LINGO2: variants seen among roughly 807,000 people sequenced by gnomAD.
LINGO2 encodes the protein leucine rich repeat and Ig domain containing 2.
Under a neutral mutation model 30.6 loss-of-function variants are expected in LINGO2, and 14 were observed. That is an observed-to-expected ratio of 0.46 (90% CI 0.30 to 0.72). The LOEUF is 0.72. Ranked by LOEUF, LINGO2 falls within the 30% of genes least tolerant of loss-of-function variation. LINGO2 has a pLI of 0.07. For missense variants in LINGO2, 729 were observed against 751.7 expected (o/e 0.97, Z 0.35); for synonymous variants, 317 against 288.5 (o/e 1.10, Z -1.00).
chr9:28,428,376 T>C lies in LINGO2; in HGVS notation c.-279+47564A>G, dbSNP rs73437420. Among the ~76,000 whole-genome samples the C allele has an allele frequency of 1.6e-3, 246 of 152,290 alleles. 2 individuals are homozygous for C. The highest frequency in any genetic ancestry group is 5.6e-3 in the African/African-American group (231 of 41,560). On this transcript the variant is annotated intron_variant, in intron 2 of 5. Transcript: ENST00000379992. ...GGGGATCTTGCCTGCCTTCATCCTC[T>C]GGCTGACGAAGCAGAATCACTGCTT...
At position 28,624,254 on chromosome 9, in the gene LINGO2, T is replaced by A. The variant is rs191878009; in HGVS notation, c.-365+45946A>T. On this transcript the variant is annotated intron_variant, in intron 1 of 5. Transcript: ENST00000379992. Reference sequence around the variant, plus strand: ...ATGGGTATCCTTGTTGTATTTCTGATCTTAGAGGAAAAGCTTTTAGTTTTT... The same window carrying A: ...ATGGGTATCCTTGTTGTATTTCTGAACTTAGAGGAAAAGCTTTTAGTTTTT... 2.6e-5 allele frequency among the ~76,000 whole-genome samples: 4 copies of A among 152,238 alleles called. No individual in the cohort carries two copies. In the East Asian group the frequency reaches 7.7e-4, roughly 29 times the overall value.
At chr9:28,273,799 T>C (rs1049391873) in intron 4 of LINGO2, among the ~76,000 whole-genome samples, 1 of 152,166 alleles carries the variant, frequency 6.6e-6, no homozygotes, top group African/African-American at 2.4e-5. Context: ...GGTATCTTTA[T>C]TCAGAGAGTA....
chr9:28,867,883 T>C, the LINGO2 span, among the ~76,000 whole-genome samples: 1 of 152,156 alleles, frequency 6.6e-6, no homozygotes, highest in African/African-American at 2.4e-5. Context: ...GTTTGAATTA[T>C]AAATTTTACA....
the LINGO2 span, among the ~76,000 whole-genome samples, chr9:29,131,742 T>C: frequency 6.6e-6 from 1 of 151,956 alleles, no homozygotes; most frequent in Non-Finnish European, 1.5e-5. Context: ...CATGATCATG[T>C]AAGCTATGAA....
intron 4 of LINGO2, among the ~76,000 whole-genome samples, chr9:28,272,950 T>A (rs1019853151): frequency 1.3e-5 from 2 of 152,202 alleles, no homozygotes; most frequent in Admixed American, 6.5e-5. Context: ...CTTCAGGTGC[T>A]CCCAGTGCAC....
chr9:28,859,824 T>A, the LINGO2 span, among the ~76,000 whole-genome samples: 1 of 151,952 alleles, frequency 6.6e-6, no homozygotes, highest in Non-Finnish European at 1.5e-5. Flanking sequence ...GAACTGTAAT[T>A]TCACAACATA....
chr9:28,807,301 G>A, the LINGO2 span, among the ~76,000 whole-genome samples: 1 of 152,144 alleles, frequency 6.6e-6, no homozygotes, highest in Admixed American at 6.5e-5. Flanking sequence ...TGGGATTACA[G>A]GTGTGAGCCA....
chr9:28,242,527 G>A (rs1821837306), intron 4 of LINGO2, among the ~76,000 whole-genome samples: 1 of 152,100 alleles, frequency 6.6e-6, no homozygotes, highest in South Asian at 2.1e-4. Context: ...CAGGGTGAAT[G>A]GATTCAAGTT....
chr9:28,213,828 C>A (rs763669317), intron 4 of LINGO2, among the ~76,000 whole-genome samples: 4 of 151,392 alleles, frequency 2.6e-5, no homozygotes, highest in Non-Finnish European at 5.9e-5. Context: ...ACTTACACTC[C>A]ACACAGTATG....
In LINGO2 at chr9:28,397,374, C is replaced by T. The variant is rs3064856; in HGVS notation, c.-278-24506G>A. On this transcript the variant is annotated intron_variant, in intron 2 of 5. Coordinates refer to ENST00000379992, the Ensembl canonical transcript of LINGO2. ...TTTGAAGTATATATATATATATATA[C>T]ATATATATATATACACACATTATGG... Among the ~76,000 whole-genome samples, 864 of 116,268 alleles carry T rather than the reference C, an allele frequency of 7.4e-3. 9 individuals carry two copies. The highest frequency in any genetic ancestry group is 0.027 in the African/African-American group (823 of 30,564). 76.3% of individuals were successfully genotyped at this position (116,268 alleles called of 152,430 possible).
chr9:28,552,447 A>C (rs1448503882), intron 1 of LINGO2, among the ~76,000 whole-genome samples: 1 of 151,996 alleles, frequency 6.6e-6, no homozygotes, highest in African/African-American at 2.4e-5. Context: ...ACTTGGTCTT[A>C]TTGTTTACTA....
chr9:29,161,780 G>A, the LINGO2 span, among the ~76,000 whole-genome samples: 1 of 152,104 alleles, frequency 6.6e-6, no homozygotes, highest in African/African-American at 2.4e-5. Flanking sequence ...TGTGTAACAA[G>A]CCACTATATA....
intron 3 of LINGO2, among the ~76,000 whole-genome samples, chr9:28,325,936 TTAAA>T (rs752830574): frequency 1.3e-4 from 20 of 152,188 alleles, no homozygotes; most frequent in South Asian, 2.1e-4. Context: ...TGCAACAGTC[TTAAA>T]TAAAGTCATC....
intron 4 of LINGO2, among the ~76,000 whole-genome samples, chr9:28,197,152 G>A (rs1055063768): frequency 6.6e-6 from 1 of 151,856 alleles, no homozygotes. Flanking sequence ...TTATATCAAA[G>A]CATCACATGT....
At chr9:28,429,375 A>C (rs986730206) in intron 2 of LINGO2, among the ~76,000 whole-genome samples, 3 of 152,198 alleles carry the variant, frequency 2.0e-5, no homozygotes, top group Non-Finnish European at 4.4e-5. Flanking sequence ...ATATGGTATA[A>C]TGACAATGTG....
the LINGO2 span, among the ~76,000 whole-genome samples, chr9:28,972,749 T>C: frequency 6.6e-6 from 1 of 151,922 alleles, no homozygotes; most frequent in Non-Finnish European, 1.5e-5. Context: ...TTGCAGAAGG[T>C]GAAGGAGTAG....
At chr9:27,978,416 G>A (rs1820704779) in intron 5 of LINGO2, among the ~76,000 whole-genome samples, 1 of 152,064 alleles carries the variant, frequency 6.6e-6, no homozygotes, top group African/African-American at 2.4e-5. Flanking sequence ...GGCATTTGGA[G>A]ATAGAACCTT....
chr9:28,099,199 A>C (rs1486616446), intron 4 of LINGO2, among the ~76,000 whole-genome samples: 1 of 152,156 alleles, frequency 6.6e-6, no homozygotes, highest in Non-Finnish European at 1.5e-5. Context: ...TCTGTACCTA[A>C]AAGCCATAGC....
intron 4 of LINGO2, among the ~76,000 whole-genome samples, chr9:28,021,438 G>A (rs906263372): frequency 3.9e-5 from 6 of 152,056 alleles, no homozygotes; most frequent in East Asian, 1.9e-4. Context: ...AATGCTCCAC[G>A]TGAGTATCAG....
Sources: allele counts gnomAD v4.1 joint callset (sites outside exome capture counted in the v4.1 genomes callset), GRCh38; gene constraint gnomAD v4.1.1; transcripts MANE v1.5; gene names NCBI Gene and HGNC (gene_info 2026-07-23, HGNC 2026-07-21).